The following ADGRG1 variants were observed in gnomAD, a reference collection of about 807,000 sequenced individuals.
ADGRG1 encodes the protein adhesion G protein-coupled receptor G1, also known as 7-transmembrane protein with no EGF-like N-terminal domains-1.
ADGRG1 carries 53 observed loss-of-function variants against 73.5 expected under a neutral mutation model. The ratio of observed to expected loss-of-function variants is 0.72; its 90% CI spans 0.58 to 0.91. The LOEUF is 0.91. Among genes scored for constraint, ADGRG1 ranks in the 40% least tolerant of loss-of-function variants. The probability of loss-of-function intolerance (pLI) is 0.00; values close to 1 mark genes in which losing one functional copy is unlikely to be tolerated. For missense variants in ADGRG1, 795 were observed against 871.8 expected, an observed-to-expected ratio of 0.91 and a Z score of 1.11; for synonymous variants, 394 against 374.4, an observed-to-expected ratio of 1.05 and a Z score of -0.60.
chr16:57,621,674 T>G (rs1367023209), intron 2 of ADGRG1: 1 of 158,922 alleles, frequency 6.3e-6, no homozygotes, highest in African/African-American at 2.4e-5. Context: ...GGGCCTCATT[T>G]GGCTCCCTTG....
At chr16:57,630,878 C>T (rs2037664637) in intron 1 of ADGRG1, 1 of 844,692 alleles carries the variant, frequency 1.2e-6, no homozygotes, top group African/African-American at 1.8e-5. Context: ...ACGATACAAG[C>T]TGGGGACCAC....
chr16:57,633,050 T>C, intron 1 of ADGRG1: 1 of 703,068 alleles, frequency 1.4e-6, no homozygotes, highest in Non-Finnish European at 1.7e-6. Flanking sequence ...CCAGCCTGGA[T>C]GCTCAAGGCC....
At position 57,641,004 on chromosome 16, in the gene ADGRG1, G is replaced by A. The variant is rs2040686623; in HGVS notation, c.-35-9249G>A. The A allele has an allele frequency of 1.5e-5, 15 of 985,418 alleles. No homozygotes were observed. The South Asian group carries it at 6.1e-4, about 40-fold the overall frequency. 61.0% of individuals were successfully genotyped at this position (985,418 alleles called of 1,614,324 possible). A position where few individuals can be genotyped will look rare whatever the true frequency, so the allele number is the denominator to read the frequency against. On this transcript the variant is annotated intron_variant, in intron 1 of 13. Coordinates refer to ENST00000562631, the MANE Select transcript of ADGRG1 (RefSeq NM_201525.4). ...CGGCTGTGGTTTGAGAGGGAAGACA[G>A]TCTAGAGGGGTCAGGGGAGACGGTT...
chr16:57,644,771 C>T (rs2042039799), intron 1 of ADGRG1, among the ~76,000 whole-genome samples: 1 of 147,482 alleles, frequency 6.8e-6, no homozygotes, highest in Admixed American at 6.8e-5. Flanking sequence ...CCCATGCACA[C>T]ACACATATGC....
upstream of ADGRG1, among the ~76,000 whole-genome samples, chr16:57,625,072 T>G (rs67811552): frequency 0.37 from 55,405 of 151,560 alleles, 10,334 homozygotes; most frequent in African/African-American, 0.44. Context: ...TCAGAGAGGG[T>G]GCAGCAGCAT....
At chr16:57,644,754 G>A (rs1319484941) in intron 1 of ADGRG1, among the ~76,000 whole-genome samples, 3 of 125,760 alleles carry the variant, frequency 2.4e-5, no homozygotes, top group East Asian at 2.6e-4. Flanking sequence ...GTATGCACGG[G>A]CACACACCCA....
chr16:57,657,193 C>A, intron 9 of ADGRG1, 180 bp from the exon 10 acceptor site: 1 of 313,680 alleles, frequency 3.2e-6, no homozygotes, highest in African/African-American at 2.2e-5. Context: ...GTGGTCAAAT[C>A]TAAAGATGCC....
upstream of ADGRG1, among the ~76,000 whole-genome samples, chr16:57,623,600 C>T (rs1165998661): frequency 1.3e-5 from 2 of 152,250 alleles, no homozygotes; most frequent in Non-Finnish European, 2.9e-5. Context: ...CCTTGCTTCC[C>T]CCGCATCTTG....
chr16:57,641,545 T>C, intron 1 of ADGRG1: 5 of 984,304 alleles, frequency 5.1e-6, no homozygotes, highest in South Asian at 4.7e-5. Flanking sequence ...TCTAAGTCTC[T>C]TCAATCAATT....
chr16:57,627,760 C>G (rs921086498), upstream of ADGRG1: 59 of 982,806 alleles, frequency 6.0e-5, no homozygotes, highest in Non-Finnish European at 6.9e-5. Context: ...GGAGCCTCTG[C>G]AGGGAGTGTG....
In ADGRG1 at chr16:57,656,486, T is replaced by C. The variant is rs371044886; in HGVS notation, c.1064-28T>C. 1.3e-5 allele frequency: 21 copies of C among 1,590,970 alleles called. No individual in the cohort carries two copies. The African/African-American group carries it at 2.4e-4, about 18-fold the overall frequency. On this transcript the variant is annotated intron_variant, in intron 8 of 13. Coordinates refer to ENST00000562631, the MANE Select transcript of ADGRG1 (RefSeq NM_201525.4). ...TGGGGTCCTGGAGGACTGGACTTGA[T>C]TGGAGCCCCGTGCTGTCCCCTCCTC...
intron 1 of ADGRG1, chr16:57,629,192 G>A (rs2037018696): frequency 2.0e-6 from 2 of 984,724 alleles, no homozygotes; most frequent in Non-Finnish European, 2.4e-6. Context: ...TATCTTGGTG[G>A]GATCTAGTCC....
Position 57,663,506 on chromosome 16 carries a change from C to T in ADGRG1, c.1988C>T (p.Pro663Leu), listed in dbSNP as rs2047781043. Residue 663 changes from proline (P) to leucine (L), a missense_variant, in exon 14 of 14, where the codon CCC (proline) becomes CTC (leucine). Coordinates refer to ENST00000562631, the MANE Select transcript of ADGRG1 (RefSeq NM_201525.4). ...WSMRLQARGG[P>L]SPLKSNSDSA... ...ATGCGGCTGCAGGCCCGGGGTGGCC[C>T]CTCCCCTCTGAAGAGCAACTCAGAC... 3 of 1,613,854 alleles carry T rather than the reference C, an allele frequency of 1.9e-6. No homozygotes were observed. The highest frequency in any genetic ancestry group is 2.2e-5 in the East Asian group (1 of 44,890).
At chr16:57,627,819 G>T, upstream of ADGRG1, 1 of 985,208 alleles carries the variant, frequency 1.0e-6, no homozygotes. Context: ...CCCCAGCAGC[G>T]GGAGGTGCTG....
At chr16:57,660,914 C>T in intron 12 of ADGRG1, 38 bp downstream of exon 12, 1 of 1,246,958 alleles carries the variant, frequency 8.0e-7, no homozygotes, top group Non-Finnish European at 1.2e-6. Context: ...GAAGGTGGGT[C>T]TCTGGGCACA....
chr16:57,663,493 G>T lies in ADGRG1; in HGVS notation c.1975G>T (p.Ala659Ser). The T allele has an allele frequency of 1.2e-6, 2 of 1,613,968 alleles. No homozygotes were observed. The highest frequency in any genetic ancestry group is 1.7e-6 in the Non-Finnish European group (2 of 1,179,954). ...CTGGTACTGGTCCATGCGGCTGCAG[G>T]CCCGGGGTGGCCCCTCCCCTCTGAA... is the stretch of plus-strand genomic sequence containing the variant. The part of the protein sequence containing the change: ...FIWYWSMRLQ[A>S]RGGPSPLKSN... The change falls in exon 14 of 14, where the codon GCC (alanine) becomes TCC (serine). Residue 659 changes from alanine to serine, a missense_variant. Coordinates refer to ENST00000562631, the MANE Select transcript of ADGRG1 (RefSeq NM_201525.4).
intron 1 of ADGRG1, chr16:57,632,836 G>T: frequency 1.0e-6 from 1 of 985,378 alleles, no homozygotes; most frequent in Non-Finnish European, 1.2e-6. Flanking sequence ...TGGCCTGGCG[G>T]TGGGGAGATG....
upstream of ADGRG1, chr16:57,627,001 C>T: frequency 3.0e-6 from 3 of 985,270 alleles, no homozygotes; most frequent in South Asian, 4.7e-5. Flanking sequence ...GGGCCCAGTC[C>T]CCACTGTGCC....
At chr16:57,652,851 C>G (rs1183368103) in intron 3 of ADGRG1, 13 of 1,134,594 alleles carry the variant, frequency 1.1e-5, no homozygotes, top group Non-Finnish European at 1.4e-5. Flanking sequence ...GTGTGGAGTC[C>G]CAGGAACCAC....
Sources: allele counts gnomAD v4.1 joint callset (sites outside exome capture counted in the v4.1 genomes callset), GRCh38; gene constraint gnomAD v4.1.1; transcripts MANE v1.5; gene names NCBI Gene and HGNC (gene_info 2026-07-23, HGNC 2026-07-21).